Variants in UGT2B7 observed in about 807,000 individuals in gnomAD.
UGT2B7 encodes UDP glucuronosyltransferase family 2 member B7, also known as UDP-glucuronosyltransferase 2B7.
In UGT2B7, 51 loss-of-function variants were observed where a neutral mutation model predicts 51.9. The ratio of observed to expected loss-of-function variants is 0.98; its 90% CI spans 0.78 to 1.24. UGT2B7 has a LOEUF of 1.24. UGT2B7 is among the 50% of genes most tolerant of loss of function. The probability of loss-of-function intolerance (pLI) is 0.00; values close to 1 mark genes in which losing one functional copy is unlikely to be tolerated. For synonymous variants in UGT2B7, 225 were observed against 211.6 expected (o/e 1.06, Z -0.55); for missense variants, 727 against 628.4 (o/e 1.16, Z -1.68).
chr4:69,057,811 G>C (rs1718240467), intron 1 of UGT2B7, among the ~76,000 whole-genome samples: 1 of 152,156 alleles, frequency 6.6e-6, no homozygotes, highest in African/African-American at 2.4e-5. Context: ...TGGTGGTTAG[G>C]GAGTCAAGTT....
chr4:69,061,848 G>T (rs375042265), intron 1 of UGT2B7, among the ~76,000 whole-genome samples: 1 of 152,118 alleles, frequency 6.6e-6, no homozygotes, highest in Non-Finnish European at 1.5e-5. Context: ...GGACTTCTCC[G>T]AATTGCCCCA....
intron 1 of UGT2B7, among the ~76,000 whole-genome samples, chr4:69,080,564 A>AAATCTATC (rs1718813760): frequency 6.9e-6 from 1 of 144,092 alleles, no homozygotes; most frequent in African/African-American, 2.6e-5. Flanking sequence ...AAAAAAAAGA[A>AAATCTATC]AATCTATCAA....
intron 1 of UGT2B7, among the ~76,000 whole-genome samples, chr4:69,082,485 C>T (rs564108297): frequency 2.2e-4 from 33 of 151,812 alleles, no homozygotes; most frequent in Non-Finnish European, 4.4e-4. Context: ...AAAAGTAAAA[C>T]CGCATTATCA....
chr4:69,070,660 A>T (rs4235115), intron 1 of UGT2B7, among the ~76,000 whole-genome samples: 27,870 of 152,008 alleles, frequency 0.18, 2,655 homozygotes, highest in African/African-American at 0.21. Context: ...GGCTACATGG[A>T]AATAGAAAAT....
upstream of UGT2B7, among the ~76,000 whole-genome samples, chr4:69,091,945 C>T (rs545590688): frequency 2.0e-5 from 3 of 152,030 alleles, no homozygotes; most frequent in Non-Finnish European, 4.4e-5. Flanking sequence ...TTATTATTTT[C>T]TTTTATTTTC....
At chr4:69,110,660 A>G (rs1719745937) in intron 5 of UGT2B7, among the ~76,000 whole-genome samples, 2 of 152,184 alleles carry the variant, frequency 1.3e-5, no homozygotes, top group Non-Finnish European at 2.9e-5. Context: ...ATTCAATTAC[A>G]TAAACAAGCA....
At chr4:69,070,273 T>C (rs1382227346) in intron 1 of UGT2B7, among the ~76,000 whole-genome samples, 1 of 147,630 alleles carries the variant, frequency 6.8e-6, no homozygotes, top group Admixed American at 6.8e-5. Context: ...ATTATACTTT[T>C]ATATATAATA....
At chr4:69,052,969 T>C (rs1718076185) in intron 1 of UGT2B7, among the ~76,000 whole-genome samples, 1 of 152,142 alleles carries the variant, frequency 6.6e-6, no homozygotes, top group Non-Finnish European at 1.5e-5. Context: ...TAAAGAAAAG[T>C]CTGTGTGTAA....
intron 1 of UGT2B7, 22 bp from the exon 2 acceptor site, chr4:69,098,518 T>TA: frequency 6.3e-7 from 1 of 1,579,710 alleles, no homozygotes; most frequent in Non-Finnish European, 8.6e-7. Flanking sequence ...TCATCCACCT[T>TA]TTTTTTTTCT....
chr4:69,062,997 C>T (rs1401610107), intron 1 of UGT2B7, among the ~76,000 whole-genome samples: 6 of 152,034 alleles, frequency 3.9e-5, no homozygotes, highest in South Asian at 2.1e-4. Flanking sequence ...AAGGAGGACC[C>T]GTATTAGGAT....
chr4:69,067,252 G>C (rs1410069721), intron 1 of UGT2B7, among the ~76,000 whole-genome samples: 6 of 152,116 alleles, frequency 3.9e-5, no homozygotes, highest in Non-Finnish European at 8.8e-5. Context: ...ATCTTCCTCT[G>C]TGATCTGAAA....
In UGT2B7 at chr4:69,108,217, A is replaced by G. The variant is rs1719669014; in HGVS notation, c.1205A>G (p.Asn402Ser). The change falls in exon 5 of 6, where the codon AAC becomes AGC. Residue 402 changes from asparagine to serine, a missense_variant. Coordinates refer to ENST00000305231, the MANE Select transcript of UGT2B7 (RefSeq NM_001074.4). ...CCATTGTTTGCCGATCAACCTGATA[A>G]CATTGCTCACATGAAGGCCAGGGGA... ...GIPLFADQPDNIAHMKARGAA... is the reference protein window; with the variant it reads ...GIPLFADQPDSIAHMKARGAA... 1.2e-6 allele frequency: 2 copies of G among 1,613,720 alleles called. No individual in the cohort carries two copies. The highest frequency in any genetic ancestry group is 1.3e-5 in the African/African-American group (1 of 74,904).
chr4:69,063,402 G>T (rs1382652578), intron 1 of UGT2B7, among the ~76,000 whole-genome samples: 2 of 151,702 alleles, frequency 1.3e-5, no homozygotes, highest in South Asian at 4.2e-4. Context: ...CACAAGATAG[G>T]TCAGGGGGTA....
chr4:69,071,702 A>G (rs552622274), intron 1 of UGT2B7, among the ~76,000 whole-genome samples: 1 of 152,212 alleles, frequency 6.6e-6, no homozygotes, highest in South Asian at 2.1e-4. Flanking sequence ...TATAATGTCT[A>G]GAAAAGAGAT....
intron 1 of UGT2B7, among the ~76,000 whole-genome samples, chr4:69,056,670 G>C (rs974758900): frequency 2.4e-4 from 37 of 152,156 alleles, no homozygotes; most frequent in African/African-American, 8.4e-4. Flanking sequence ...CCTACTTACC[G>C]CTCCTTTGTT....
In UGT2B7 at chr4:69,108,147, G is replaced by A. The variant is rs748315310; in HGVS notation, c.1135G>A (p.Gly379Ser). The change falls in exon 5 of 6, where the codon GGC (glycine) becomes AGC (serine). Residue 379 changes from glycine (G) to serine (S), a missense_variant. Gly to Ser is a moderately conservative substitution (Grantham distance 56). Coordinates refer to ENST00000305231, the MANE Select transcript of UGT2B7 (RefSeq NM_001074.4). The stretch of plus-strand genomic sequence containing the variant: ...TTTTATAACTCATGGTGGAGCCAAT[G>A]GCATCTACGAGGCAATCTACCATGG... ...RAFITHGGAN[G>S]IYEAIYHGIP... is the part of the protein sequence containing the mutation. 1.9e-6 allele frequency: 3 copies of A among 1,613,608 alleles called. No homozygotes were observed. The Admixed American group carries it at 5.0e-5, about 27-fold the overall frequency.
chr4:69,090,919 A>G (rs769297679), intron 2 of UGT2B7, among the ~76,000 whole-genome samples: 4 of 152,208 alleles, frequency 2.6e-5, no homozygotes, highest in Non-Finnish European at 5.9e-5. Flanking sequence ...TAGTATGACA[A>G]TTAAGACTGC....
intron 2 of UGT2B7, among the ~76,000 whole-genome samples, chr4:69,101,688 T>C (rs1440447722): frequency 6.6e-6 from 1 of 152,212 alleles, no homozygotes; most frequent in Non-Finnish European, 1.5e-5. Flanking sequence ...GAGTTAACAT[T>C]TGGACTTTTT....
At chr4:69,073,760 T>C (rs115938490) in intron 1 of UGT2B7, among the ~76,000 whole-genome samples, 1 of 151,922 alleles carries the variant, frequency 6.6e-6, no homozygotes, top group Admixed American at 6.6e-5. Flanking sequence ...AAAAAACAGG[T>C]AATCAGGAAA....
Sources: gnomAD v4.1 joint callset for allele counts (sites outside exome capture counted in the v4.1 genomes callset) on GRCh38, gnomAD v4.1.1 for gene constraint, MANE v1.5 for transcripts, NCBI Gene and HGNC (gene_info 2026-07-23, HGNC 2026-07-21) for gene names.